UBR3: variants seen among roughly 807,000 people sequenced by gnomAD.
UBR3 encodes E3 ubiquitin-protein ligase UBR3.
In UBR3, 85 loss-of-function variants were observed where a neutral mutation model predicts 243.2. The ratio of observed to expected loss-of-function variants is 0.35; its 90% confidence interval spans 0.29 to 0.42. UBR3 has a LOEUF of 0.42. Among genes scored for constraint, UBR3 ranks in the 10% least tolerant of loss-of-function variants. UBR3 has a pLI of 1.00. For synonymous variants in UBR3, 748 were observed against 799.8 expected, an observed-to-expected ratio of 0.94 and a Z score of 1.09; for missense variants, 1,686 against 2,300.8, an observed-to-expected ratio of 0.73 and a Z score of 5.47.
chr2:170,032,257 G>A (rs2090691943), intron 31 of UBR3, among the ~76,000 whole-genome samples: 1 of 136,516 alleles, frequency 7.3e-6, no homozygotes, highest in African/African-American at 2.7e-5. Context: ...ATTTGTATGT[G>A]CTTGTTAAAA....
chr2:169,917,461 G>A (rs16857276), intron 11 of UBR3, among the ~76,000 whole-genome samples: 8,674 of 152,176 alleles, frequency 0.057, 452 homozygotes, highest in African/African-American at 0.14. Flanking sequence ...TGAACTGGGA[G>A]AAAATTATAC....
chr2:169,939,919 C>T (rs1010043635), intron 19 of UBR3, among the ~76,000 whole-genome samples: 1 of 152,030 alleles, frequency 6.6e-6, no homozygotes, highest in Non-Finnish European at 1.5e-5. Flanking sequence ...TTCTTGGATA[C>T]TTGGTCATTG....
chr2:169,962,590 C>G (rs2087629004), intron 24 of UBR3, among the ~76,000 whole-genome samples: 1 of 152,154 alleles, frequency 6.6e-6, no homozygotes, highest in Non-Finnish European at 1.5e-5. Context: ...GATGTTGGAT[C>G]TCCTAGATTG....
chr2:170,034,713 A>G (rs1007219530), intron 31 of UBR3, among the ~76,000 whole-genome samples: 2 of 151,730 alleles, frequency 1.3e-5, no homozygotes, highest in South Asian at 2.1e-4. Context: ...TGGATCATAT[A>G]GTAATAGCAT....
intron 5 of UBR3, among the ~76,000 whole-genome samples, chr2:169,889,787 A>G (rs2084255145): frequency 6.6e-6 from 1 of 152,294 alleles, no homozygotes; most frequent in East Asian, 1.9e-4. Flanking sequence ...ACGGAAACCC[A>G]AGTTAAGGCT....
At position 170,005,377 on chromosome 2, in the gene UBR3, C is replaced by G. The variant is rs566350260; in HGVS notation, c.4030-1613C>G. On this transcript the variant is annotated intron_variant, in intron 27 of 38. Transcript: ENST00000272793. Reference sequence around the variant, plus strand: ...AAGAAGGCATTTTATTTTTCTCTGACAACACTCAGTTTGAGTGCAGAATTG... The same window carrying G: ...AAGAAGGCATTTTATTTTTCTCTGAGAACACTCAGTTTGAGTGCAGAATTG... Among the ~76,000 whole-genome samples the G allele has an allele frequency of 2.0e-5, 3 of 152,262 alleles. No individual in the cohort carries two copies. The East Asian group carries it at 5.8e-4, about 29-fold the overall frequency.
chr2:169,936,517 TTTA>T (rs74513911), intron 19 of UBR3, among the ~76,000 whole-genome samples: 6,577 of 151,052 alleles, frequency 0.044, 211 homozygotes, highest in Non-Finnish European at 0.057. Context: ...GCGTTTTCTT[TTTA>T]TTATTATTAT....
rs2087275509 is a variant in UBR3 at position 169,956,120 on chromosome 2, GTC to G, written c.3546-2317_3546-2316del. Among the ~76,000 whole-genome samples the G allele has an allele frequency of 5.3e-5, 8 of 152,062 alleles. No individual in the cohort carries two copies. The South Asian group carries it at 8.3e-4, about 16-fold the overall frequency. On this transcript the variant is annotated intron_variant, in intron 23 of 38. Coordinates refer to ENST00000272793, the MANE Select transcript of UBR3 (RefSeq NM_172070.4). ...TCAATTCCAATCCATCCCTCTAGGA[GTC>G]ATTCTTGTTTTCTCTCTTTCTCAGT...
rs1255881148 is a variant in UBR3 at position 169,890,563 on chromosome 2, A to ATATATATATATGTGTGTGTG, written c.1039-601_1039-600insATATATATATGTGTGTGTGT. Among the ~76,000 whole-genome samples the ATATATATATATGTGTGTGTG allele has an allele frequency of 7.2e-5, 6 of 83,886 alleles. 1 individual carries two copies. Among genetic ancestry groups the ATATATATATATGTGTGTGTG allele is most frequent in the African/African-American group, 1.0e-4 (2 of 19,716 alleles). 55.0% of individuals were successfully genotyped at this position (83,886 alleles called of 152,430 possible). A position where few individuals can be genotyped will look rare whatever the true frequency, so the allele number is the denominator to read the frequency against. On this transcript the variant is annotated intron_variant, in intron 5 of 38. Coordinates refer to ENST00000272793, the MANE Select transcript of UBR3 (RefSeq NM_172070.4). Reference sequence around the variant, plus strand: ...GAGATATATATATATATATATATATATGTGTATATATATATATGTATATAT... The same window carrying ATATATATATATGTGTGTGTG: ...GAGATATATATATATATATATATATATATATATATATGTGTGTGTGTGTGTATATATATATATGTATATAT...
chr2:170,040,836 G>A (rs1343353818), intron 31 of UBR3, 46 bp from the exon 32 acceptor site: 12 of 1,375,976 alleles, frequency 8.7e-6, no homozygotes, highest in Non-Finnish European at 1.1e-5. Context: ...AAATTAGAAA[G>A]AGAAGATATA....
intron 8 of UBR3, among the ~76,000 whole-genome samples, chr2:169,899,356 A>G (rs1269509983): frequency 2.0e-5 from 3 of 152,100 alleles, no homozygotes; most frequent in Non-Finnish European, 2.9e-5. Context: ...AATATGATCT[A>G]TTCTTTCCTA....
At chr2:170,057,625 TG>T (rs1280982336) in intron 33 of UBR3, among the ~76,000 whole-genome samples, 1 of 152,164 alleles carries the variant, frequency 6.6e-6, no homozygotes. Context: ...TATTTACAAT[TG>T]TAAATCTATG....
intron 32 of UBR3, among the ~76,000 whole-genome samples, chr2:170,053,677 G>A (rs1421886552): frequency 6.6e-6 from 1 of 152,214 alleles, no homozygotes; most frequent in Admixed American, 6.5e-5. Context: ...TGGAAGTCTA[G>A]TCCAGGGTGT....
chr2:169,941,871 T>G (rs905198464), intron 19 of UBR3, among the ~76,000 whole-genome samples: 21 of 152,212 alleles, frequency 1.4e-4, no homozygotes, highest in African/African-American at 5.1e-4. Context: ...AGCTAATTCA[T>G]TCTCCTTGTG....
intron 32 of UBR3, among the ~76,000 whole-genome samples, chr2:170,042,662 C>A (rs527971600): frequency 1.6e-5 from 2 of 125,934 alleles, no homozygotes; most frequent in Admixed American, 2.1e-4. Context: ...GCACTCTAGC[C>A]TGGGTGACAG....
At chr2:169,942,721 C>T in intron 20 of UBR3, 87 bp downstream of exon 20, 1 of 1,278,678 alleles carries the variant, frequency 7.8e-7, no homozygotes, top group South Asian at 2.1e-5. Context: ...ATAAAAGTAC[C>T]ACTTATAAAG....
intron 35 of UBR3, among the ~76,000 whole-genome samples, chr2:170,063,676 G>T (rs1465643741): frequency 6.6e-6 from 1 of 152,094 alleles, no homozygotes; most frequent in Non-Finnish European, 1.5e-5. Context: ...GTCCTACTAG[G>T]AACATAAATC....
chr2:169,979,111 A>T (rs1205536756), intron 24 of UBR3, among the ~76,000 whole-genome samples: 1 of 152,254 alleles, frequency 6.6e-6, no homozygotes, highest in Non-Finnish European at 1.5e-5. Context: ...CTGAACAGAC[A>T]CCTTACAAAG....
At chr2:170,045,791 G>A (rs772625249) in intron 32 of UBR3, among the ~76,000 whole-genome samples, 12 of 151,932 alleles carry the variant, frequency 7.9e-5, no homozygotes, top group South Asian at 2.1e-4. Flanking sequence ...ATTTTGAAGC[G>A]AATTCCAGAC....
Sources: allele counts gnomAD v4.1 joint callset (sites outside exome capture counted in the v4.1 genomes callset), GRCh38; gene constraint gnomAD v4.1.1; transcripts MANE v1.5; gene names NCBI Gene and HGNC (gene_info 2026-07-23, HGNC 2026-07-21).